The following PDE4B variants were observed in gnomAD, a reference collection of about 807,000 sequenced individuals.
The protein encoded by PDE4B is phosphodiesterase 4B.
A neutral mutation model predicts 82.2 loss-of-function variants in PDE4B; 20 were observed. The observed-to-expected ratio is 0.24, with a 90% CI of 0.17 to 0.35. PDE4B has a LOEUF of 0.35. PDE4B is among the 10% of genes least tolerant of loss of function. PDE4B has a pLI of 1.00. For missense variants in PDE4B, 655 were observed against 907.2 expected (o/e 0.72, Z 3.57); for synonymous variants, 320 against 318.9 (o/e 1.00, Z -0.04).
intron 3 of PDE4B, among the ~76,000 whole-genome samples, chr1:66,141,149 A>C (rs1302487095): frequency 1.3e-5 from 2 of 151,830 alleles, no homozygotes; most frequent in Non-Finnish European, 2.9e-5. Context: ...TCAATCATTT[A>C]TTAAACATTT....
chr1:66,060,431 C>A (rs1301041849), intron 3 of PDE4B, among the ~76,000 whole-genome samples: 1 of 152,046 alleles, frequency 6.6e-6, no homozygotes. Context: ...ATGTGCTTTC[C>A]AATGTGGTAG....
chr1:66,145,508 G>A (rs1646251741), intron 3 of PDE4B, among the ~76,000 whole-genome samples: 2 of 152,180 alleles, frequency 1.3e-5, no homozygotes, highest in South Asian at 2.1e-4. Context: ...AGGTGCTATG[G>A]GCTCTTATGG....
intron 1 of PDE4B, among the ~76,000 whole-genome samples, chr1:65,828,176 G>T (rs937106021): frequency 7.3e-5 from 7 of 95,912 alleles, no homozygotes; most frequent in African/African-American, 2.8e-4. Flanking sequence ...ATCAAAAAAT[G>T]GATCTACACA....
chr1:66,318,654 G>A (rs1659186888), intron 7 of PDE4B, among the ~76,000 whole-genome samples: 1 of 152,040 alleles, frequency 6.6e-6, no homozygotes, highest in African/African-American at 2.4e-5. Context: ...ACACTCTACA[G>A]GTAATTTAAA....
At chr1:66,094,034 A>C (rs933204780) in intron 3 of PDE4B, among the ~76,000 whole-genome samples, 1 of 152,118 alleles carries the variant, frequency 6.6e-6, no homozygotes, top group Non-Finnish European at 1.5e-5. Context: ...ACAAAAACAC[A>C]TAATCTAATA....
chr1:66,216,576 CT>C (rs932228728), intron 3 of PDE4B, among the ~76,000 whole-genome samples: 19 of 152,088 alleles, frequency 1.2e-4, no homozygotes, highest in Non-Finnish European at 2.4e-4. Flanking sequence ...TTATATGTTA[CT>C]TTTGTCAAAA....
At chr1:66,143,783 A>T (rs1646218762) in intron 3 of PDE4B, among the ~76,000 whole-genome samples, 1 of 152,192 alleles carries the variant, frequency 6.6e-6, no homozygotes, top group Non-Finnish European at 1.5e-5. Flanking sequence ...GACACAGCTG[A>T]CATCTGCCTT....
At chr1:66,117,551 G>T (rs920711609) in intron 3 of PDE4B, among the ~76,000 whole-genome samples, 4 of 149,782 alleles carry the variant, frequency 2.7e-5, no homozygotes, top group Non-Finnish European at 5.9e-5. Context: ...TTTTACCTAG[G>T]TTTTTTTTTT....
chr1:66,022,844 C>T (rs2100773100), intron 3 of PDE4B, among the ~76,000 whole-genome samples: 1 of 152,168 alleles, frequency 6.6e-6, no homozygotes, highest in East Asian at 1.9e-4. Flanking sequence ...GGGAGGATTC[C>T]CTCTTTTTCT....
At chr1:66,369,973 C>A (rs1201695397) in intron 16 of PDE4B, among the ~76,000 whole-genome samples, 4 of 151,596 alleles carry the variant, frequency 2.6e-5, no homozygotes, top group Admixed American at 2.6e-4. Context: ...CATGGTGAAA[C>A]CCTGTCTCTA....
chr1:65,939,829 T>TA (rs1648347923), intron 3 of PDE4B, among the ~76,000 whole-genome samples: 1 of 152,128 alleles, frequency 6.6e-6, no homozygotes, highest in African/African-American at 2.4e-5. Flanking sequence ...GCAAGGCACT[T>TA]ACACGTGGGA....
intron 1 of PDE4B, among the ~76,000 whole-genome samples, chr1:65,877,513 G>A (rs959558830): frequency 1.3e-5 from 2 of 151,992 alleles, no homozygotes; most frequent in Admixed American, 6.6e-5. Flanking sequence ...TACTTGGGAG[G>A]CTGAGGCAGG....
intron 4 of PDE4B, among the ~76,000 whole-genome samples, chr1:66,251,930 T>TA (rs1467404356): frequency 2.6e-5 from 4 of 152,232 alleles, no homozygotes; most frequent in Middle Eastern, 3.4e-3. Context: ...TGCAACATTT[T>TA]AAAAAAATAG....
Position 66,284,019 on chromosome 1 carries a change from C to T in PDE4B, c.634+17932C>T, listed in dbSNP as rs1338969833. ...TGGGTAATGCTGGATAATGGAGATA[C>T]AGAAATGAATAAAACATGGTTTCTT... is the stretch of plus-strand genomic sequence containing the variant. On this transcript the variant is annotated intron_variant, in intron 7 of 16. Transcript: ENST00000341517. Among the ~76,000 whole-genome samples, 3 of 152,280 alleles carry T rather than the reference C, an allele frequency of 2.0e-5. No homozygotes were observed. In the East Asian group the frequency reaches 5.8e-4, roughly 29 times the overall value.
At chr1:66,032,618 G>A (rs1361714931) in intron 3 of PDE4B, among the ~76,000 whole-genome samples, 1 of 151,524 alleles carries the variant, frequency 6.6e-6, no homozygotes. Context: ...AGTCTCTACA[G>A]CTGAGTTTTT....
chr1:66,075,259 A>G (rs1369487924), intron 3 of PDE4B, among the ~76,000 whole-genome samples: 2 of 151,956 alleles, frequency 1.3e-5, no homozygotes, highest in African/African-American at 2.4e-5. Context: ...CTAAGCCCCA[A>G]TTTTGGGGTT....
chr1:66,299,603 G>A (rs1238511139), intron 7 of PDE4B, among the ~76,000 whole-genome samples: 1 of 152,094 alleles, frequency 6.6e-6, no homozygotes, highest in Non-Finnish European at 1.5e-5. Flanking sequence ...CTGTAATATG[G>A]TAATTCTATT....
intron 3 of PDE4B, among the ~76,000 whole-genome samples, chr1:66,140,587 T>C (rs951230376): frequency 6.6e-6 from 1 of 152,198 alleles, no homozygotes; most frequent in Non-Finnish European, 1.5e-5. Context: ...ATCAGTCTTG[T>C]TTTCCTGCTG....
At chr1:66,075,854 C>A in intron 3 of PDE4B, among the ~76,000 whole-genome samples, 1 of 151,778 alleles carries the variant, frequency 6.6e-6, no homozygotes, top group East Asian at 1.9e-4. Context: ...ATATGATGAT[C>A]TTCTATGTTT....
Sources: allele counts gnomAD v4.1 joint callset (sites outside exome capture counted in the v4.1 genomes callset), GRCh38; gene constraint gnomAD v4.1.1; transcripts MANE v1.5; gene names NCBI Gene and HGNC (gene_info 2026-07-23, HGNC 2026-07-21).